DSCAM: variants seen among roughly 807,000 people sequenced by gnomAD.
DSCAM encodes DS cell adhesion molecule, also known as cell adhesion molecule DSCAM.
Under a neutral mutation model 217.7 loss-of-function variants are expected in DSCAM, and 47 were observed. The observed-to-expected ratio is 0.22, with a 90% CI of 0.17 to 0.28. DSCAM has a LOEUF of 0.28. Ranked by LOEUF, DSCAM falls within the 10% of genes least tolerant of loss-of-function variation. The pLI is 1.00. For synonymous variants in DSCAM, 1,056 were observed against 1,015.3 expected (o/e 1.04, Z -0.76); for missense variants, 2,080 against 2,618.3 (o/e 0.79, Z 4.49).
In DSCAM at chr21:40,834,761, G is replaced by T. The variant is rs189742524; in HGVS notation, c.43+11858C>A. On this transcript the variant is annotated intron_variant, in intron 1 of 32. Transcript: ENST00000400454. The stretch of plus-strand genomic sequence containing the variant: ...GCAAACCACCAGTGACTTTGAAAAT[G>T]AATAAACCCAGAGAAGGCCTCCAGA... Among the ~76,000 whole-genome samples the T allele has an allele frequency of 1.3e-3, 200 of 152,212 alleles. 1 individual carries two copies. The highest frequency in any genetic ancestry group is 2.4e-3 in the Non-Finnish European group (164 of 68,008).
At chr21:40,391,628 A>T (rs2075134736) in intron 3 of DSCAM, among the ~76,000 whole-genome samples, 1 of 152,196 alleles carries the variant, frequency 6.6e-6, no homozygotes, top group African/African-American at 2.4e-5. Flanking sequence ...AAGCTTGAGC[A>T]GTGTCAGTGA....
chr21:40,201,537 G>C (rs914745639), intron 11 of DSCAM, among the ~76,000 whole-genome samples: 2 of 152,118 alleles, frequency 1.3e-5, no homozygotes, highest in Non-Finnish European at 2.9e-5. Flanking sequence ...TGCCTCCCTG[G>C]TTCAAGCAAT....
At chr21:40,349,848 AAG>A (rs2123635562) in intron 5 of DSCAM, among the ~76,000 whole-genome samples, 1 of 152,342 alleles carries the variant, frequency 6.6e-6, no homozygotes, top group African/African-American at 2.4e-5. Context: ...ACGAAAAATA[AAG>A]AGAAATTCTT....
intron 20 of DSCAM, among the ~76,000 whole-genome samples, chr21:40,117,740 C>T (rs17755598): frequency 0.083 from 12,655 of 152,154 alleles, 649 homozygotes; most frequent in Non-Finnish European, 0.11. Flanking sequence ...ACTTTCGTGG[C>T]GTGATTATAA....
intron 1 of DSCAM, among the ~76,000 whole-genome samples, chr21:40,734,002 G>A (rs564662637): frequency 2.1e-4 from 32 of 152,236 alleles, no homozygotes; most frequent in African/African-American, 3.4e-4. Flanking sequence ...CTTGGCATCC[G>A]TAAACCCCGA....
intron 3 of DSCAM, among the ~76,000 whole-genome samples, chr21:40,684,882 C>G (rs375095934): frequency 6.6e-6 from 1 of 152,176 alleles, no homozygotes; most frequent in African/African-American, 2.4e-5. Flanking sequence ...CAAATTACAT[C>G]TGATTGACTT....
At chr21:40,243,081 C>A (rs1432982474) in intron 11 of DSCAM, among the ~76,000 whole-genome samples, 1 of 152,198 alleles carries the variant, frequency 6.6e-6, no homozygotes, top group Non-Finnish European at 1.5e-5. Context: ...CACCTCACAG[C>A]TGAGTGATCT....
chr21:40,334,298 A>G (rs1887869445), intron 8 of DSCAM, among the ~76,000 whole-genome samples: 1 of 152,144 alleles, frequency 6.6e-6, no homozygotes, highest in East Asian at 1.9e-4. Flanking sequence ...ACCTCAACAC[A>G]TCGATAACTA....
At chr21:40,275,496 C>A (rs764484764) in intron 11 of DSCAM, among the ~76,000 whole-genome samples, 1 of 152,162 alleles carries the variant, frequency 6.6e-6, no homozygotes, top group Non-Finnish European at 1.5e-5. Context: ...ACTTTATATC[C>A]TTTCCTTGGT....
chr21:40,490,193 T>C (rs567009141), intron 3 of DSCAM, among the ~76,000 whole-genome samples: 1 of 152,264 alleles, frequency 6.6e-6, no homozygotes, highest in African/African-American at 2.4e-5. Flanking sequence ...ACCCCCATGA[T>C]TCAATTACCT....
At chr21:40,489,583 G>A (rs528276092) in intron 3 of DSCAM, among the ~76,000 whole-genome samples, 1 of 151,698 alleles carries the variant, frequency 6.6e-6, no homozygotes, top group East Asian at 1.9e-4. Flanking sequence ...GACCATCCCG[G>A]CTAAAACGGT....
intron 7 of DSCAM, 38 bp downstream of exon 7, chr21:40,339,081 T>G (rs1444440257): frequency 6.2e-7 from 1 of 1,606,314 alleles, no homozygotes; most frequent in Non-Finnish European, 8.5e-7. Flanking sequence ...CTATAATGAG[T>G]TATGTGTGTT....
At chr21:40,828,581 G>A (rs959809508) in intron 1 of DSCAM, among the ~76,000 whole-genome samples, 24 of 152,072 alleles carry the variant, frequency 1.6e-4, no homozygotes, top group African/African-American at 4.6e-4. Flanking sequence ...AGTGGGCTTC[G>A]GTCTCCCGTC....
chr21:40,531,912 G>A (rs1231538349), intron 3 of DSCAM, among the ~76,000 whole-genome samples: 2 of 152,214 alleles, frequency 1.3e-5, no homozygotes, highest in Non-Finnish European at 2.9e-5. Flanking sequence ...ATGAGGTGCT[G>A]GGCTTGGGGA....
intron 3 of DSCAM, among the ~76,000 whole-genome samples, chr21:40,460,106 AAC>A (rs2075794295): frequency 6.6e-6 from 1 of 152,170 alleles, no homozygotes; most frequent in African/African-American, 2.4e-5. Context: ...GGAGGGGAAC[AAC>A]ACACACTGGG....
intron 11 of DSCAM, among the ~76,000 whole-genome samples, chr21:40,200,016 CTT>C (rs369465225): frequency 1.3e-4 from 17 of 135,146 alleles, no homozygotes; most frequent in East Asian, 2.2e-4. Flanking sequence ...CCTCAGGATT[CTT>C]TTTTTTTTTT....
At chr21:40,131,600 T>C (rs2090155069) in intron 19 of DSCAM, among the ~76,000 whole-genome samples, 1 of 152,180 alleles carries the variant, frequency 6.6e-6, no homozygotes, top group Non-Finnish European at 1.5e-5. Flanking sequence ...TAATTTTGCA[T>C]TTTTAGTAGA....
intron 3 of DSCAM, among the ~76,000 whole-genome samples, chr21:40,498,689 A>G (rs1166656623): frequency 1.3e-4 from 1 of 7,510 alleles, no homozygotes; most frequent in Non-Finnish European, 2.1e-4. Flanking sequence ...ATATATATAT[A>G]TATATATAGA....
At chr21:40,798,188 C>T (rs980165045) in intron 1 of DSCAM, among the ~76,000 whole-genome samples, 3 of 151,822 alleles carry the variant, frequency 2.0e-5, no homozygotes, top group Non-Finnish European at 4.4e-5. Flanking sequence ...TAGTTAAGGA[C>T]TAAAAACACC....
Sources: allele counts gnomAD v4.1 joint callset (sites outside exome capture counted in the v4.1 genomes callset), GRCh38; gene constraint gnomAD v4.1.1; transcripts MANE v1.5; gene names NCBI Gene and HGNC (gene_info 2026-07-23, HGNC 2026-07-21).